The following TRAPPC9 variants were observed in gnomAD, a reference collection of about 807,000 sequenced individuals.
TRAPPC9 encodes trafficking protein particle complex subunit 9, also known as IKK2 binding protein.
Under a neutral mutation model 124.0 loss-of-function variants are expected in TRAPPC9, and 83 were observed. The observed-to-expected ratio is 0.67, with a 90% CI of 0.56 to 0.80. TRAPPC9 has a LOEUF of 0.80. TRAPPC9 is among the 30% of genes least tolerant of loss of function. The pLI, the probability that TRAPPC9 is intolerant of heterozygous loss-of-function variation, is 0.00. For synonymous variants in TRAPPC9, 638 were observed against 617.5 expected, an observed-to-expected ratio of 1.03 and a Z score of -0.49; for missense variants, 1,302 against 1,508.3, an observed-to-expected ratio of 0.86 and a Z score of 2.27.
intron 18 of TRAPPC9, among the ~76,000 whole-genome samples, chr8:140,002,966 G>GA (rs566574342): frequency 1.5e-5 from 2 of 129,160 alleles, no homozygotes; most frequent in South Asian, 5.1e-4. Context: ...AAACATAAAA[G>GA]AAAAAAAAGC....
rs568722750 is a variant in TRAPPC9 at position 139,797,312 on chromosome 8, T to C, written c.3056-65110A>G. Among the ~76,000 whole-genome samples the C allele has an allele frequency of 1.3e-4, 20 of 152,306 alleles. No individual in the cohort carries two copies. In the South Asian group the frequency reaches 3.5e-3, roughly 27 times the overall value. On this transcript the variant is annotated intron_variant, in intron 21 of 22. Coordinates refer to ENST00000438773, the MANE Select transcript of TRAPPC9 (RefSeq NM_001160372.4). Reference sequence around the variant, plus strand: ...TCTTGGTCTGTCGCCCAGGCTGGAGTGCAGTGGCGTGATCTTGGCTCACTG... The same window carrying C: ...TCTTGGTCTGTCGCCCAGGCTGGAGCGCAGTGGCGTGATCTTGGCTCACTG...
At chr8:140,343,665 T>C (rs915643750) in intron 9 of TRAPPC9, among the ~76,000 whole-genome samples, 4 of 152,124 alleles carry the variant, frequency 2.6e-5, no homozygotes, top group African/African-American at 9.7e-5. Flanking sequence ...ACTAGTAATT[T>C]CCACTTGTCA....
At chr8:140,345,290 G>A (rs923809243) in intron 9 of TRAPPC9, among the ~76,000 whole-genome samples, 1 of 152,234 alleles carries the variant, frequency 6.6e-6, no homozygotes, top group African/African-American at 2.4e-5. Flanking sequence ...CAGGTACTGA[G>A]TGAGGAGAAG....
At chr8:139,797,320 C>T (rs906741444) in intron 21 of TRAPPC9, among the ~76,000 whole-genome samples, 3 of 152,048 alleles carry the variant, frequency 2.0e-5, no homozygotes, top group Admixed American at 6.6e-5. Context: ...AGTGCAGTGG[C>T]GTGATCTTGG....
At chr8:139,791,107 A>G (rs996328225) in intron 21 of TRAPPC9, among the ~76,000 whole-genome samples, 3 of 152,258 alleles carry the variant, frequency 2.0e-5, no homozygotes, top group Non-Finnish European at 2.9e-5. Context: ...CTTGACAGCA[A>G]TGAAGGAAGG....
chr8:140,302,590 A>T (rs1563929805), intron 10 of TRAPPC9: 1 of 152,264 alleles, frequency 6.6e-6, no homozygotes, highest in Non-Finnish European at 1.5e-5. Flanking sequence ...CAGGAACAGC[A>T]GCCGTCAGGG....
intron 17 of TRAPPC9, among the ~76,000 whole-genome samples, chr8:140,183,812 C>T (rs2062263023): frequency 6.7e-6 from 1 of 148,886 alleles, no homozygotes; most frequent in African/African-American, 2.5e-5. Flanking sequence ...CCAAGATCAA[C>T]TCACTGCACA....
chr8:140,134,597 T>A (rs1234015626), intron 17 of TRAPPC9, among the ~76,000 whole-genome samples: 2 of 152,222 alleles, frequency 1.3e-5, no homozygotes, highest in Non-Finnish European at 2.9e-5. Flanking sequence ...AATGAGGAAA[T>A]AATAGTCTCT....
At chr8:140,377,541 C>T (rs924858798) in intron 7 of TRAPPC9, among the ~76,000 whole-genome samples, 1 of 152,122 alleles carries the variant, frequency 6.6e-6, no homozygotes, top group South Asian at 2.1e-4. Context: ...TCAGGTGATC[C>T]GCCTCAGCCT....
intron 10 of TRAPPC9, chr8:140,302,665 GAC>G (rs1238811760): frequency 6.6e-6 from 1 of 152,254 alleles, no homozygotes; most frequent in African/African-American, 2.4e-5. Context: ...CGAGAGGAAT[GAC>G]AGTCAACAAC....
intron 17 of TRAPPC9, among the ~76,000 whole-genome samples, chr8:140,070,107 G>A (rs1333976111): frequency 1.3e-5 from 2 of 152,184 alleles, no homozygotes; most frequent in Non-Finnish European, 2.9e-5. Flanking sequence ...GCGGCAACGC[G>A]TTACCAGTTC....
At chr8:140,424,792 T>C (rs2070364037) in intron 5 of TRAPPC9, among the ~76,000 whole-genome samples, 1 of 151,966 alleles carries the variant, frequency 6.6e-6, no homozygotes, top group South Asian at 2.1e-4. Flanking sequence ...GGATGAGAGA[T>C]GGAGGAGCCC....
At chr8:139,934,108 A>C (rs1833366968) in intron 19 of TRAPPC9, among the ~76,000 whole-genome samples, 1 of 152,172 alleles carries the variant, frequency 6.6e-6, no homozygotes, top group South Asian at 2.1e-4. Flanking sequence ...AATTTTTTGT[A>C]AAACAGGTTA....
chr8:139,942,064 T>C (rs907602434), intron 19 of TRAPPC9, among the ~76,000 whole-genome samples: 18 of 152,320 alleles, frequency 1.2e-4, no homozygotes, highest in African/African-American at 4.3e-4. Flanking sequence ...TAGTGTCCTT[T>C]TCTGTGTTTT....
chr8:140,457,851 G>A, upstream of TRAPPC9: 2 of 1,117,018 alleles, frequency 1.8e-6, no homozygotes, highest in Non-Finnish European at 2.2e-6. Context: ...GGGTAGGAGC[G>A]AGGGAGAAAA....
chr8:140,071,326 G>A (rs1056778589), intron 17 of TRAPPC9, among the ~76,000 whole-genome samples: 1 of 152,184 alleles, frequency 6.6e-6, no homozygotes, highest in African/African-American at 2.4e-5. Flanking sequence ...TCTCACTCCA[G>A]CGGTCATGCT....
At chr8:140,231,027 C>T (rs2063579266) in intron 16 of TRAPPC9, among the ~76,000 whole-genome samples, 1 of 152,206 alleles carries the variant, frequency 6.6e-6, no homozygotes, top group African/African-American at 2.4e-5. Flanking sequence ...CTTTACTAGA[C>T]CATAGAGTGC....
At chr8:140,210,822 G>A (rs1215349198) in intron 17 of TRAPPC9, among the ~76,000 whole-genome samples, 1 of 152,122 alleles carries the variant, frequency 6.6e-6, no homozygotes, top group Non-Finnish European at 1.5e-5. Context: ...GCAAGCCTGT[G>A]GCCATGCTCC....
intron 21 of TRAPPC9, among the ~76,000 whole-genome samples, chr8:139,824,754 G>C (rs1026794873): frequency 2.0e-5 from 3 of 152,028 alleles, no homozygotes; most frequent in Non-Finnish European, 4.4e-5. Flanking sequence ...ATAGAGATGT[G>C]GTTTTGCCAT....
Sources: allele counts gnomAD v4.1 joint callset (sites outside exome capture counted in the v4.1 genomes callset), GRCh38; gene constraint gnomAD v4.1.1; transcripts MANE v1.5; gene names NCBI Gene and HGNC (gene_info 2026-07-23, HGNC 2026-07-21).